ZNF483: variants seen among roughly 807,000 people sequenced by gnomAD.
The protein encoded by ZNF483 is zinc finger protein 483, also known as zinc finger protein HIT-10.
ZNF483 carries 9 observed loss-of-function variants against 28.6 expected under a neutral mutation model. The ratio of observed to expected loss-of-function variants is 0.32; its 90% CI spans 0.19 to 0.55. The LOEUF (loss-of-function observed/expected upper bound fraction) is 0.55. Among genes scored for constraint, ZNF483 ranks in the 20% least tolerant of loss-of-function variants. The pLI, the probability that ZNF483 is intolerant of heterozygous loss-of-function variation, is 0.93. For synonymous variants in ZNF483, 322 were observed against 306.2 expected (o/e 1.05, Z -0.54); for missense variants, 675 against 871.7 (o/e 0.77, Z 2.84).
At chr9:111,565,777 A>C (rs7871084) in intron 5 of ZNF483, among the ~76,000 whole-genome samples, 8,718 of 151,966 alleles carry the variant, frequency 0.057, 838 homozygotes, top group African/African-American at 0.2. Flanking sequence ...CTCCTGCCTC[A>C]CCCTCCTAAA....
Position 111,541,934 on chromosome 9 carries a change from T to G in ZNF483, c.999T>G (p.Asn333Lys). 6.2e-7 allele frequency: 1 copy of G among 1,614,050 alleles called. No homozygotes were observed. ...TGAGGAAGAAATCTCGGAGGTATAA[T>G]GAAAGCAAGAAACCCTTCAGTTTTC... Reference protein sequence around the residue: ...VYLRKKSRRYNESKKPFSFHS... With the variant: ...VYLRKKSRRYKESKKPFSFHS... The change falls in exon 6 of 6, where the codon AAT becomes AAG. Residue 333 changes from asparagine to lysine, a missense_variant. By Grantham distance (94) the Asn-to-Lys change is moderately conservative. Coordinates refer to ENST00000309235, the MANE Select transcript of ZNF483 (RefSeq NM_133464.5).
Position 111,525,276 on chromosome 9 carries a change from C to G in ZNF483, c.-129+14C>G, listed in dbSNP as rs1017414335. 2 of 152,198 alleles carry G rather than the reference C, an allele frequency of 1.3e-5. No individual in the cohort carries two copies. Among genetic ancestry groups the G allele is most frequent in the Non-Finnish European group, 2.9e-5 (2 of 68,058 alleles). The allele number at this position is 152,198 out of a possible 1,614,324, so 9.4% of individuals were successfully genotyped here. On this transcript the variant is annotated intron_variant, in intron 1 of 5. Coordinates refer to ENST00000309235, the MANE Select transcript of ZNF483 (RefSeq NM_133464.5). ...ATGCTGATGCAGGTACTGGTCGTCC[C>G]GGGCCCCGAGTTTCGGGGCCGTGGC...
At chr9:111,566,302 T>G (rs1171811731) in intron 5 of ZNF483, among the ~76,000 whole-genome samples, 1 of 152,350 alleles carries the variant, frequency 6.6e-6, no homozygotes, top group African/African-American at 2.4e-5. Flanking sequence ...AGTGGTTTCC[T>G]GTTGTCAACT....
chr9:111,562,964 T>C (rs1189679505), intron 5 of ZNF483: 5 of 1,402,268 alleles, frequency 3.6e-6, no homozygotes, highest in East Asian at 2.5e-5. Context: ...CCTCCATCAC[T>C]AATTACATAC....
chr9:111,562,825 A>T, intron 5 of ZNF483: 2 of 555,406 alleles, frequency 3.6e-6, no homozygotes, highest in Non-Finnish European at 5.1e-6. Context: ...TTCAGCTCCC[A>T]CTTATGAATG....
downstream of ZNF483, among the ~76,000 whole-genome samples, chr9:111,578,017 ATATTCT>A (rs960291488): frequency 6.6e-6 from 1 of 152,050 alleles, no homozygotes; most frequent in African/African-American, 2.4e-5. Flanking sequence ...GGTGATGAAA[ATATTCT>A]TAAACTGGTT....
intron 5 of ZNF483, among the ~76,000 whole-genome samples, chr9:111,572,635 T>C (rs111429209): frequency 0.065 from 9,837 of 150,258 alleles, 547 homozygotes; most frequent in African/African-American, 0.14. Flanking sequence ...CACATGTCTG[T>C]AGTCTCAGCT....
intron 5 of ZNF483, among the ~76,000 whole-genome samples, chr9:111,538,482 C>G (rs1289348057): frequency 7.0e-6 from 1 of 142,594 alleles, no homozygotes; most frequent in African/African-American, 2.6e-5. Flanking sequence ...AGAACAAGAC[C>G]CCATCTCTTA....
At chr9:111,541,189 A>G (rs764218824) in intron 5 of ZNF483, among the ~76,000 whole-genome samples, 3 of 150,114 alleles carry the variant, frequency 2.0e-5, no homozygotes, top group Non-Finnish European at 4.4e-5. Flanking sequence ...TCCTGGGTTC[A>G]AGTGATTCTC....
At chr9:111,536,335 C>T (rs1024397448) in intron 5 of ZNF483, among the ~76,000 whole-genome samples, 8 of 151,498 alleles carry the variant, frequency 5.3e-5, no homozygotes, top group Non-Finnish European at 7.4e-5. Context: ...CTGACTAACA[C>T]GGTGAAACCC....
At chr9:111,558,302 G>A (rs1411193979), downstream of ZNF483, among the ~76,000 whole-genome samples, 5 of 152,086 alleles carry the variant, frequency 3.3e-5, no homozygotes, top group African/African-American at 1.2e-4. Context: ...TCCATGATTT[G>A]TCTAGTGGGA....
In ZNF483 at chr9:111,543,154, TTCACTC is replaced by T. The variant is rs1329135492; in HGVS notation, c.2221_2226del (p.His741_Ser742del). The T allele has an allele frequency of 6.2e-7, 1 of 1,607,524 alleles. No individual in the cohort carries two copies. Among genetic ancestry groups the T allele is most frequent in the Non-Finnish European group, 8.5e-7 (1 of 1,176,812 alleles). ...TCAGGCCTCATTAGACATCGGGGAT[TTCACTC>T]TGCAGAGTAATCCTGGAACTACATT... On this transcript the variant is annotated inframe_deletion, in exon 6 of 6. Transcript: ENST00000309235.
chr9:111,536,029 T>C (rs1827490136), intron 5 of ZNF483, among the ~76,000 whole-genome samples: 1 of 148,934 alleles, frequency 6.7e-6, no homozygotes, highest in South Asian at 2.1e-4. Flanking sequence ...GCTGGGACTA[T>C]AGGCACGCGC....
chr9:111,561,102 T>TAGAGAGAGAGAGAG (rs1448011286), intron 5 of ZNF483, among the ~76,000 whole-genome samples: 10 of 29,350 alleles, frequency 3.4e-4, no homozygotes, highest in Non-Finnish European at 5.5e-4. Flanking sequence ...TATATATATA[T>TAGAGAGAGAGAGAG]ATATATATAG....
chr9:111,538,600 TTAAG>T (rs1187499623), intron 5 of ZNF483, among the ~76,000 whole-genome samples: 1 of 152,148 alleles, frequency 6.6e-6, no homozygotes, highest in Non-Finnish European at 1.5e-5. Flanking sequence ...TTTATCATAT[TTAAG>T]TAGCATTTTG....
intron 5 of ZNF483, among the ~76,000 whole-genome samples, chr9:111,561,148 G>GAGAGAGA (rs1267075709): frequency 3.4e-4 from 12 of 34,840 alleles, no homozygotes; most frequent in African/African-American, 7.2e-4. Context: ...GGAGAGAGAG[G>GAGAGAGA]GAGAGAGAGA....
At chr9:111,570,177 G>A in intron 5 of ZNF483, 6 of 1,614,042 alleles carry the variant, frequency 3.7e-6, no homozygotes, top group Non-Finnish European at 4.2e-6. Flanking sequence ...TCCATGCGAA[G>A]CTCCTGATAG....
chr9:111,563,385 G>A (rs1828399284), intron 5 of ZNF483: 2 of 680,272 alleles, frequency 2.9e-6, no homozygotes, highest in Admixed American at 6.1e-5. Context: ...AGTCAAGGTG[G>A]GGCAAGATCC....
In ZNF483 at chr9:111,553,524, T is replaced by C. The variant is rs1042921020; in HGVS notation, c.*10354T>C. Among the ~76,000 whole-genome samples the C allele has an allele frequency of 6.6e-6, 1 of 152,190 alleles. No individual in the cohort carries two copies. Among genetic ancestry groups the C allele is most frequent in the Non-Finnish European group, 1.5e-5 (1 of 68,038 alleles). On this transcript the variant is annotated 3_prime_UTR_variant, in exon 6 of 6. Transcript: ENST00000309235. ...GCATAAAATATCCAAGTAAACACAT[T>C]GTGATTTTACATCCGTGCATAGAAA...
Sources: gnomAD v4.1 joint callset for allele counts (sites outside exome capture counted in the v4.1 genomes callset) on GRCh38, gnomAD v4.1.1 for gene constraint, MANE v1.5 for transcripts, NCBI Gene and HGNC (gene_info 2026-07-23, HGNC 2026-07-21) for gene names.